Variants in USP36 observed in about 807,000 individuals in gnomAD.
The protein encoded by USP36 is ubiquitin carboxyl-terminal hydrolase 36.
Under a neutral mutation model 111.5 loss-of-function variants are expected in USP36, and 59 were observed. That is an observed-to-expected ratio of 0.53 (90% CI 0.43 to 0.66). The LOEUF (loss-of-function observed/expected upper bound fraction) is 0.66, where lower values mean the gene tolerates loss of function less well. USP36 is among the 30% of genes least tolerant of loss of function. USP36 has a pLI of 0.00. For synonymous variants in USP36, 628 were observed against 581.0 expected, an observed-to-expected ratio of 1.08 and a Z score of -1.16; for missense variants, 1,488 against 1,468.0, an observed-to-expected ratio of 1.01 and a Z score of -0.22.
chr17:78,807,544 G>A lies in USP36; in HGVS notation c.1500C>T (p.Ser500=), dbSNP rs1293135399. ...GCTTTGGAGGAATGCAGCCGTTCTG[G>A]GACTTCAGGCCCAGGGTGGAGCCAT... ...SRNGSTLGLK[S]QNGCIPPKLP... Residue 500 remains serine (S), a synonymous_variant, in exon 14 of 21, where the codon TCC becomes TCT. Coordinates refer to ENST00000449938, the MANE Select transcript of USP36 (RefSeq NM_001385174.1). 1.9e-6 allele frequency: 3 copies of A among 1,612,994 alleles called. No individual in the cohort carries two copies. Among genetic ancestry groups the A allele is most frequent in the South Asian group, 2.2e-5 (2 of 90,892 alleles).
chr17:78,836,969 G>A (rs1431864039), intron 2 of USP36, among the ~76,000 whole-genome samples: 1 of 152,202 alleles, frequency 6.6e-6, no homozygotes, highest in African/African-American at 2.4e-5. Context: ...AGTCCAGGTT[G>A]AGAGGTGCTA....
Position 78,817,482 on chromosome 17 carries a change from C to T in USP36, c.1023+1185G>A, listed in dbSNP as rs76822769. Among the ~76,000 whole-genome samples, 231 of 152,298 alleles carry T rather than the reference C, an allele frequency of 1.5e-3. 2 individuals carry two copies. The highest frequency in any genetic ancestry group is 5.4e-3 in the African/African-American group (223 of 41,564). Reference sequence around the variant, plus strand: ...ATGAGATACAGACATCTACTGGGCACGGTGGCTCATGCCTGTTATCCCAGC... The same window carrying T: ...ATGAGATACAGACATCTACTGGGCATGGTGGCTCATGCCTGTTATCCCAGC... On this transcript the variant is annotated intron_variant, in intron 10 of 20. Coordinates refer to ENST00000449938, the MANE Select transcript of USP36 (RefSeq NM_001385174.1).
At position 78,802,651 on chromosome 17, in the gene USP36, C is replaced by T. The variant is rs1019551138; in HGVS notation, c.2811-116G>A. The T allele has an allele frequency of 7.1e-6, 7 of 990,542 alleles. No individual in the cohort carries two copies. The East Asian group carries it at 7.8e-5, about 11-fold the overall frequency. The allele number at this position is 990,542 out of a possible 1,614,324, so 61.4% of individuals were successfully genotyped here. ...GCCACCCCAGCTGTGACCCAGTGCACGCAGGTCCCTGCAACATTCTTCCCC... is the reference window on the plus strand; with the variant it reads ...GCCACCCCAGCTGTGACCCAGTGCATGCAGGTCCCTGCAACATTCTTCCCC... On this transcript the variant is annotated intron_variant, in intron 16 of 20. Coordinates refer to ENST00000449938, the MANE Select transcript of USP36 (RefSeq NM_001385174.1).
At chr17:78,792,182 A>C (rs2093589358), downstream of USP36, 2 of 152,386 alleles carry the variant, frequency 1.3e-5, no homozygotes. Flanking sequence ...GAGCAAAATG[A>C]ATGTCAACCA....
In USP36 at chr17:78,797,064, G is replaced by A. The variant is rs2093640057; in HGVS notation, c.*836C>T. On this transcript the variant is annotated 3_prime_UTR_variant, in exon 21 of 21. Coordinates refer to ENST00000449938, the MANE Select transcript of USP36 (RefSeq NM_001385174.1). ...AAACATATTGCTAATGGAAGCCACA[G>A]GACTGGTCAAAAATAAATGTTTTGT... is the stretch of plus-strand genomic sequence containing the variant. The A allele has an allele frequency of 1.3e-5, 2 of 152,194 alleles. No homozygotes were observed. The highest frequency in any genetic ancestry group is 1.3e-4 in the Admixed American group (2 of 15,274). 9.4% of individuals were successfully genotyped at this position (152,194 alleles called of 1,614,324 possible). A position where few individuals can be genotyped will look rare whatever the true frequency, so the allele number is the denominator to read the frequency against.
At position 78,838,043 on chromosome 17, in the gene USP36, C is replaced by T. The variant is rs148713103; in HGVS notation, c.-10+544G>A. Among the ~76,000 whole-genome samples the T allele has an allele frequency of 1.2e-3, 178 of 152,218 alleles. 1 individual carries two copies. Among genetic ancestry groups the T allele is most frequent in the African/African-American group, 4.1e-3 (172 of 41,528 alleles). ...GAGGCTGCAGTGAGCTATGATTACGCCTGTGAATAGCCAGTGCAGTCCAGC... is the reference window on the plus strand; with the variant it reads ...GAGGCTGCAGTGAGCTATGATTACGTCTGTGAATAGCCAGTGCAGTCCAGC... On this transcript the variant is annotated intron_variant, in intron 2 of 20. Coordinates refer to ENST00000449938, the MANE Select transcript of USP36 (RefSeq NM_001385174.1).
intron 6 of USP36, 49 bp downstream of exon 6, chr17:78,827,196 G>T: frequency 7.7e-7 from 1 of 1,298,604 alleles, no homozygotes; most frequent in Non-Finnish European, 1.0e-6. Flanking sequence ...CTGCCACCAT[G>T]TAGAAAAGGT....
chr17:78,829,939 C>T (rs995710178), intron 4 of USP36, among the ~76,000 whole-genome samples: 1 of 152,192 alleles, frequency 6.6e-6, no homozygotes, highest in Non-Finnish European at 1.5e-5. Flanking sequence ...CAGAGTTTCA[C>T]CATGCTGGCC....
rs749592446 is a variant in USP36, at chr17:78,799,766, G to T, written c.3025C>A (p.Leu1009Met). 6.3e-7 allele frequency: 1 copy of T among 1,597,708 alleles called. No individual in the cohort carries two copies. The highest frequency in any genetic ancestry group is 1.8e-5 in the Admixed American group (1 of 56,738). The change falls in exon 18 of 21, where the codon CTG becomes ATG. Residue 1009 changes from leucine to methionine, a missense_variant and splice_region_variant. This residue lies in a region of USP36 where 1,073 missense variants were observed against 994.1 expected (regional missense o/e 1.08). Transcript: ENST00000449938. ...NGWCPGDRMGLSQAPPVSWNG... is the reference protein window; with the variant it reads ...NGWCPGDRMGMSQAPPVSWNG... ...CAAGACACAGGAGGGGCCTGGCTCA[G>T]CCCTGCAATCGGAGCAGCCAAGAAA...
At chr17:78,799,284 G>A (rs1158703708) in intron 18 of USP36, among the ~76,000 whole-genome samples, 2 of 152,224 alleles carry the variant, frequency 1.3e-5, no homozygotes, top group South Asian at 2.1e-4. Flanking sequence ...CCATGCCCTC[G>A]TCTGAGGAAC....
At chr17:78,838,393 A>C (rs1437263269) in intron 2 of USP36, among the ~76,000 whole-genome samples, 194 bp downstream of exon 2, 2 of 151,438 alleles carry the variant, frequency 1.3e-5, no homozygotes, top group Non-Finnish European at 2.9e-5. Context: ...AAAACAAAAA[A>C]CAAAAAACTT....
In USP36 at chr17:78,806,137, A is replaced by T. The variant is rs1429321076; in HGVS notation, c.2216+19T>A. The T allele has an allele frequency of 6.2e-7, 1 of 1,612,504 alleles. No individual in the cohort carries two copies. Reference sequence around the variant, plus strand: ...GGGAGAACCAGTTGGCACCCAGAAGATCCCGGCCCAAAGCTTACCTGGCTC... The same window carrying T: ...GGGAGAACCAGTTGGCACCCAGAAGTTCCCGGCCCAAAGCTTACCTGGCTC... On this transcript the variant is annotated intron_variant, in intron 15 of 20. Coordinates refer to ENST00000449938, the MANE Select transcript of USP36 (RefSeq NM_001385174.1).
At chr17:78,811,253 C>G (rs2094047958) in intron 13 of USP36, among the ~76,000 whole-genome samples, 1 of 150,168 alleles carries the variant, frequency 6.7e-6, no homozygotes, top group African/African-American at 2.4e-5. Flanking sequence ...GAATTCTTAA[C>G]AGTTCTAGCA....
chr17:78,792,058 G>A (rs574555754), downstream of USP36: 1 of 152,522 alleles, frequency 6.6e-6, no homozygotes, highest in Non-Finnish European at 1.5e-5. Context: ...TCTCCAGGGT[G>A]CGGAGGTCAA....
At chr17:78,839,970 G>T (rs965043181) in intron 1 of USP36, among the ~76,000 whole-genome samples, 2 of 152,216 alleles carry the variant, frequency 1.3e-5, no homozygotes, top group African/African-American at 4.8e-5. Context: ...TTTCCAGGAT[G>T]AACTGCAACG....
At chr17:78,837,747 T>G (rs985989545) in intron 2 of USP36, among the ~76,000 whole-genome samples, 2 of 152,188 alleles carry the variant, frequency 1.3e-5, no homozygotes, top group African/African-American at 4.8e-5. Context: ...AAATGATGAC[T>G]TCCTCTGGTA....
chr17:78,837,475 G>GC (rs1483136656), intron 2 of USP36, among the ~76,000 whole-genome samples: 4 of 152,082 alleles, frequency 2.6e-5, no homozygotes, highest in Non-Finnish European at 4.4e-5. Flanking sequence ...CTGTAAAATA[G>GC]CAACAAAAAT....
intron 6 of USP36, among the ~76,000 whole-genome samples, chr17:78,824,621 A>C (rs2031319859): frequency 6.6e-6 from 1 of 152,238 alleles, no homozygotes; most frequent in Admixed American, 6.5e-5. Context: ...AAATTTGAGA[A>C]ATAAAGAAAA....
intron 6 of USP36, chr17:78,823,285 T>C: frequency 2.5e-6 from 1 of 398,230 alleles, no homozygotes; most frequent in Non-Finnish European, 4.4e-6. Context: ...ACGTAATCTC[T>C]GCATGGACTG....
Sources: allele counts gnomAD v4.1 joint callset (sites outside exome capture counted in the v4.1 genomes callset), GRCh38; gene constraint gnomAD v4.1.1; regional missense constraint gnomAD v4.1.1; transcripts MANE v1.5; gene names NCBI Gene and HGNC (gene_info 2026-07-23, HGNC 2026-07-21).